ANKFY1: variants seen among roughly 807,000 people sequenced by gnomAD.
The protein encoded by ANKFY1 is ankyrin repeat and FYVE domain-containing protein 1.
ANKFY1 carries 47 observed loss-of-function variants against 128.3 expected under a neutral mutation model. That is an observed-to-expected ratio of 0.37 (90% CI 0.29 to 0.47). The LOEUF (loss-of-function observed/expected upper bound fraction) is 0.47, where lower values mean the gene tolerates loss of function less well. Ranked by LOEUF, ANKFY1 falls within the 20% of genes least tolerant of loss-of-function variation. The pLI is 1.00. For missense variants in ANKFY1, 1,222 were observed against 1,510.6 expected (o/e 0.81, Z 3.17); for synonymous variants, 553 against 601.6 (o/e 0.92, Z 1.18).
chr17:4,227,343 A>T (rs532916988), intron 3 of ANKFY1, among the ~76,000 whole-genome samples: 2 of 152,322 alleles, frequency 1.3e-5, no homozygotes, highest in East Asian at 1.9e-4. Context: ...CAACATACAT[A>T]AAAAAGGGTA....
rs367586240 is a variant in ANKFY1 at position 4,170,819 on chromosome 17, C to T, written c.3182G>A (p.Arg1061His). 24 of 1,614,156 alleles carry T rather than the reference C, an allele frequency of 1.5e-5. No homozygotes were observed. The highest frequency in any genetic ancestry group is 2.7e-5 in the African/African-American group (2 of 75,028). The part of the protein sequence containing the change: ...AYMKGNANLC[R>H]AIVRSGARLG... ...GCGAGCCCCCGACCGGACGATGGCG[C>T]GGCACAAGTTGGCGTTCCCTTTCAT... Residue 1061 changes from arginine (R) to histidine (H), a missense_variant, in exon 23 of 25, where the codon CGC becomes CAC. Physicochemically the swap from Arg to His is conservative, Grantham distance 29. Coordinates refer to ENST00000341657, the MANE Select transcript of ANKFY1 (RefSeq NM_001330063.2).
At chr17:4,221,518 G>GT (rs1317208200) in intron 3 of ANKFY1, among the ~76,000 whole-genome samples, 3 of 151,998 alleles carry the variant, frequency 2.0e-5, no homozygotes, top group Non-Finnish European at 2.9e-5. Flanking sequence ...GGCTGACTTT[G>GT]TTTTTTAAAT....
At position 4,166,633 on chromosome 17, in the gene ANKFY1, T is replaced by TGGTG. The variant is rs1278617516; in HGVS notation, c.*1142_*1145dup. ...CGCACACGTGGCCAGGGCCCTTGGC[T>TGGTG]GGTGGCCCTTCATGGGGCAGGGCAA... On this transcript the variant is annotated 3_prime_UTR_variant, in exon 25 of 25. Transcript: ENST00000341657. The TGGTG allele has an allele frequency of 6.6e-6, 1 of 152,332 alleles. No individual in the cohort carries two copies. The highest frequency in any genetic ancestry group is 1.5e-5 in the Non-Finnish European group (1 of 68,054). The allele number at this position is 152,332 out of a possible 1,614,324, so 9.4% of individuals were successfully genotyped here. A position where few individuals can be genotyped will look rare whatever the true frequency, so the allele number is the denominator to read the frequency against.
intron 2 of ANKFY1, among the ~76,000 whole-genome samples, chr17:4,241,814 G>A (rs2143377892): frequency 6.6e-6 from 1 of 151,882 alleles, no homozygotes; most frequent in East Asian, 2.0e-4. Context: ...CTCGGGCCCG[G>A]CACGGTGGCT....
intron 1 of ANKFY1, among the ~76,000 whole-genome samples, chr17:4,250,808 A>AT (rs1001184672): frequency 6.6e-6 from 1 of 152,056 alleles, no homozygotes; most frequent in Non-Finnish European, 1.5e-5. Flanking sequence ...CATCTGGCCA[A>AT]TTTTTTTGTA....
At position 4,173,390 on chromosome 17, in the gene ANKFY1, G is replaced by A. The variant is rs538101990; in HGVS notation, c.2978C>T (p.Thr993Ile). The change falls in exon 21 of 25, where the codon ACA becomes ATA. Residue 993 changes from threonine to isoleucine, a missense_variant. Transcript: ENST00000341657. ...GRLNNIRVLLTECTVDAEAFN... is the reference protein window; with the variant it reads ...GRLNNIRVLLIECTVDAEAFN... ...GGCTTCGGCGTCCACTGTGCACTCT[G>A]TCAGGAGAACCCGGATGTTGTTGAG... 1 of 1,614,186 alleles carries A rather than the reference G, an allele frequency of 6.2e-7. No homozygotes were observed. The highest frequency in any genetic ancestry group is 1.1e-5 in the South Asian group (1 of 91,086).
chr17:4,218,393 T>C (rs1037854996), intron 3 of ANKFY1, among the ~76,000 whole-genome samples: 2 of 152,238 alleles, frequency 1.3e-5, no homozygotes, highest in African/African-American at 2.4e-5. Context: ...GATAGATATA[T>C]ATTCAACATA....
rs1654278444 is a variant in ANKFY1, at chr17:4,170,936, C to T, written c.3140-75G>A. The T allele has an allele frequency of 8.7e-6, 14 of 1,601,180 alleles. No individual in the cohort carries two copies. The South Asian group carries it at 1.6e-4, about 18-fold the overall frequency. On this transcript the variant is annotated intron_variant, in intron 22 of 24. Transcript: ENST00000341657. ...GCAGCCACAGACGGAGGGCGGAGGA[C>T]AGCCAAGGGCAGAACAGACCGCTGG...
intron 3 of ANKFY1, among the ~76,000 whole-genome samples, chr17:4,230,290 A>AC (rs1411629395): frequency 6.6e-6 from 1 of 152,178 alleles, no homozygotes; most frequent in Non-Finnish European, 1.5e-5. Context: ...GAATGGCTTG[A>AC]CACTATCCAG....
chr17:4,172,920 C>T (rs866134256), intron 21 of ANKFY1, among the ~76,000 whole-genome samples: 10 of 152,296 alleles, frequency 6.6e-5, no homozygotes, highest in Middle Eastern at 3.4e-3. Flanking sequence ...AGTGCAGTGG[C>T]GCGATCTCGG....
chr17:4,189,351 C>A (rs369320131), intron 11 of ANKFY1, 31 bp downstream of exon 11: 2 of 1,533,508 alleles, frequency 1.3e-6, no homozygotes, highest in Admixed American at 1.9e-5. Flanking sequence ...TAGATCAACA[C>A]CATTTTCTCC....
chr17:4,174,232 C>G (rs1344075770), intron 19 of ANKFY1, among the ~76,000 whole-genome samples, 176 bp from the exon 20 acceptor site: 2 of 152,182 alleles, frequency 1.3e-5, no homozygotes, highest in Non-Finnish European at 2.9e-5. Flanking sequence ...ACCAGCAAAA[C>G]CCGTGCCAAG....
chr17:4,247,876 T>C (rs980307607), intron 1 of ANKFY1, among the ~76,000 whole-genome samples: 21 of 152,184 alleles, frequency 1.4e-4, no homozygotes, highest in African/African-American at 4.8e-4. Context: ...ATACATGTAA[T>C]AACCTTAGAA....
intron 10 of ANKFY1, among the ~76,000 whole-genome samples, chr17:4,194,108 T>A (rs1182615180): frequency 0.014 from 1,754 of 126,658 alleles, 9 homozygotes; most frequent in African/African-American, 0.034. Context: ...TATATATTTT[T>A]TTTTTTTTTT....
chr17:4,190,271 T>A (rs1289689653), intron 10 of ANKFY1, among the ~76,000 whole-genome samples: 1 of 152,046 alleles, frequency 6.6e-6, no homozygotes, highest in African/African-American at 2.4e-5. Context: ...TGAAAACCTG[T>A]CTCTACTAAA....
chr17:4,241,053 TAAG>T (rs1278934903), intron 2 of ANKFY1, among the ~76,000 whole-genome samples: 1 of 152,166 alleles, frequency 6.6e-6, no homozygotes, highest in Non-Finnish European at 1.5e-5. Context: ...GAAAACAATT[TAAG>T]TTTTAAAAAG....
rs113742740 is a variant in ANKFY1 at position 4,221,520 on chromosome 17, T to G, written c.323-4402A>C. Among the ~76,000 whole-genome samples, 290 of 152,318 alleles carry G rather than the reference T, an allele frequency of 1.9e-3. 1 individual carries two copies. The highest frequency in any genetic ancestry group is 6.6e-3 in the African/African-American group (276 of 41,556). ...AACCACAGCACCTGGCTGACTTTGTTTTTTAAATCCTCTATTTTTAATCTG... is the reference window on the plus strand; with the variant it reads ...AACCACAGCACCTGGCTGACTTTGTGTTTTAAATCCTCTATTTTTAATCTG... On this transcript the variant is annotated intron_variant, in intron 3 of 24. Coordinates refer to ENST00000341657, the MANE Select transcript of ANKFY1 (RefSeq NM_001330063.2).
intron 19 of ANKFY1, among the ~76,000 whole-genome samples, chr17:4,174,933 T>G (rs1181858102): frequency 1.3e-5 from 2 of 151,694 alleles, no homozygotes; most frequent in African/African-American, 4.8e-5. Context: ...CTTGCTATGT[T>G]GCCCAGACTG....
chr17:4,220,955 G>C (rs766710161), intron 3 of ANKFY1, among the ~76,000 whole-genome samples: 12 of 152,194 alleles, frequency 7.9e-5, no homozygotes, highest in Non-Finnish European at 1.8e-4. Flanking sequence ...CTCTCAGAAG[G>C]CCCTGCATGC....
Sources: allele counts gnomAD v4.1 joint callset (sites outside exome capture counted in the v4.1 genomes callset), GRCh38; gene constraint gnomAD v4.1.1; transcripts MANE v1.5; gene names NCBI Gene and HGNC (gene_info 2026-07-23, HGNC 2026-07-21).